Variants in PHACTR3 observed in about 807,000 individuals in gnomAD.
PHACTR3 encodes phosphatase and actin regulator 3, also known as protein phosphatase 1, regulatory subunit 123.
A neutral mutation model predicts 66.8 loss-of-function variants in PHACTR3; 16 were observed. The ratio of observed to expected loss-of-function variants is 0.24; its 90% CI spans 0.16 to 0.36. PHACTR3 has a LOEUF of 0.36. Among genes scored for constraint, PHACTR3 ranks in the 10% least tolerant of loss-of-function variants. The probability of loss-of-function intolerance (pLI) is 1.00; values close to 1 mark genes in which losing one functional copy is unlikely to be tolerated. For synonymous variants in PHACTR3, 323 were observed against 292.1 expected, an observed-to-expected ratio of 1.11 and a Z score of -1.08; for missense variants, 647 against 719.9, an observed-to-expected ratio of 0.90 and a Z score of 1.16.
Position 59,820,816 on chromosome 20 carries a change from A to C in PHACTR3, c.1328+14622A>C, listed in dbSNP as rs930583684. 2.0e-5 allele frequency among the ~76,000 whole-genome samples: 3 copies of C among 152,248 alleles called. No individual in the cohort carries two copies. The highest frequency in any genetic ancestry group is 4.8e-5 in the African/African-American group (2 of 41,466). On this transcript the variant is annotated intron_variant, in intron 8 of 12. Coordinates refer to ENST00000371015, the MANE Select transcript of PHACTR3 (RefSeq NM_080672.5). The surrounding 1 kb of genome is among the most constrained non-coding windows in gnomAD (Gnocchi z 4.6). ...TCAGTGTCAATAAAACATGATTCCC[A>C]AACCAGGGAGCAGGTGGTTTGGTGG...
intron 8 of PHACTR3, among the ~76,000 whole-genome samples, chr20:59,823,040 G>A (rs2042094662): frequency 6.6e-6 from 1 of 152,252 alleles, no homozygotes; most frequent in African/African-American, 2.4e-5. Flanking sequence ...GGGCAAGGCA[G>A]GCCCTGGTAC....
intron 8 of PHACTR3, among the ~76,000 whole-genome samples, chr20:59,827,582 T>C (rs550512116): frequency 3.6e-4 from 55 of 151,944 alleles, no homozygotes; most frequent in African/African-American, 1.3e-3. Context: ...ACCATGGAGG[T>C]GCAGAGAGGA....
intron 1 of PHACTR3, among the ~76,000 whole-genome samples, chr20:59,654,895 GTA>G (rs1303416690): frequency 6.6e-6 from 1 of 151,782 alleles, no homozygotes; most frequent in Admixed American, 6.6e-5. Flanking sequence ...TTCAGTGTGT[GTA>G]TGTGTGTGTG....
chr20:59,594,653 A>G lies in PHACTR3; in HGVS notation c.109+17036A>G, dbSNP rs566975621. 1.9e-3 allele frequency among the ~76,000 whole-genome samples: 290 copies of G among 152,280 alleles called. 1 individual carries two copies. Among genetic ancestry groups the G allele is most frequent in the Middle Eastern group, 3.4e-3 (1 of 294 alleles). The stretch of plus-strand genomic sequence containing the variant: ...GTGTGTTCCCTCTTTCACTTCTGCT[A>G]TTAGTAACTTGTGTCCTCTCACTTA... On this transcript the variant is annotated intron_variant, in intron 1 of 12. Coordinates refer to the PHACTR3 transcript ENST00000359926.
At chr20:59,773,747 GA>G (rs2040434581) in intron 6 of PHACTR3, among the ~76,000 whole-genome samples, 1 of 152,230 alleles carries the variant, frequency 6.6e-6, no homozygotes, top group African/African-American at 2.4e-5. Context: ...AGCTTTGCAG[GA>G]GAGACTGACT....
At chr20:59,808,138 G>C (rs967307625) in intron 8 of PHACTR3, among the ~76,000 whole-genome samples, 1 of 152,194 alleles carries the variant, frequency 6.6e-6, no homozygotes, top group Admixed American at 6.5e-5. Flanking sequence ...GAGCCGGGTG[G>C]AGCTGACTTG....
chr20:59,628,812 C>T lies in PHACTR3; in HGVS notation c.118+23680C>T, dbSNP rs567323407. On this transcript the variant is annotated intron_variant, in intron 1 of 12. Coordinates refer to ENST00000371015, the MANE Select transcript of PHACTR3 (RefSeq NM_080672.5). ...CACAGCCCTGCGCTGGGAAGAGCCA[C>T]GGAGGTTAGATCTTGTTTTTTGTTT... 10 of 985,314 alleles carry T rather than the reference C, an allele frequency of 1.0e-5. No homozygotes were observed. The South Asian group carries it at 2.3e-4, about 23-fold the overall frequency. The allele number at this position is 985,314 out of a possible 1,614,324, so 61.0% of individuals were successfully genotyped here.
At chr20:59,743,469 G>A (rs1463771148) in intron 2 of PHACTR3, among the ~76,000 whole-genome samples, 1 of 152,188 alleles carries the variant, frequency 6.6e-6, no homozygotes, top group Non-Finnish European at 1.5e-5. Context: ...GAAGCCCTGG[G>A]GTGGAGTTGG....
rs77195366 is a variant in PHACTR3 at position 59,596,385 on chromosome 20, G to T, written c.109+18768G>T. Among the ~76,000 whole-genome samples the T allele has an allele frequency of 7.7e-3, 1,171 of 152,240 alleles. 15 individuals carry two copies. Among genetic ancestry groups the T allele is most frequent in the African/African-American group, 0.026 (1,087 of 41,532 alleles). ...TTGAACTTCGGACCTCAAGAGATCT[G>T]TCCACCTTGGCCTCCCAGAGTGCTG... On this transcript the variant is annotated intron_variant, in intron 1 of 12. Transcript: ENST00000359926.
intron 1 of PHACTR3, among the ~76,000 whole-genome samples, chr20:59,711,860 T>G (rs2037924255): frequency 6.6e-6 from 1 of 152,188 alleles, no homozygotes; most frequent in Non-Finnish European, 1.5e-5. Context: ...TTTTAAGTTG[T>G]TTACTGCTAT....
intron 1 of PHACTR3, among the ~76,000 whole-genome samples, chr20:59,622,199 G>A (rs1185131359): frequency 2.0e-5 from 3 of 151,734 alleles, no homozygotes; most frequent in South Asian, 2.1e-4. Flanking sequence ...AGGCTGAAAG[G>A]GACTCAGGGT....
At position 59,829,205 on chromosome 20, in the gene PHACTR3, A is replaced by T. The variant is rs997025541; in HGVS notation, c.1329-7300A>T. ...CCTCCCCGGCATCCCAGAAGTCAGG[A>T]CTGCTGGCTGCTGAGATGGGGCTTG... On this transcript the variant is annotated intron_variant, in intron 8 of 12. Transcript: ENST00000371015. This position sits in a 1 kb window ranked among gnomAD's most constrained non-coding sequence, Gnocchi z 4.2. Among the ~76,000 whole-genome samples the T allele has an allele frequency of 2.6e-5, 4 of 152,106 alleles. No homozygotes were observed. Among genetic ancestry groups the T allele is most frequent in the Non-Finnish European group, 5.9e-5 (4 of 67,994 alleles).
At chr20:59,808,083 C>A (rs2041623108) in intron 8 of PHACTR3, among the ~76,000 whole-genome samples, 1 of 152,156 alleles carries the variant, frequency 6.6e-6, no homozygotes, top group Non-Finnish European at 1.5e-5. Flanking sequence ...CAGTCATGCC[C>A]CTGAGACAGA....
intron 1 of PHACTR3, among the ~76,000 whole-genome samples, chr20:59,691,116 G>A (rs1037823197): frequency 4.6e-5 from 7 of 152,222 alleles, no homozygotes; most frequent in Admixed American, 4.6e-4. Context: ...CAGGAGGTTG[G>A]AGGAACTAGT....
intron 8 of PHACTR3, among the ~76,000 whole-genome samples, chr20:59,816,037 T>C (rs190225167): frequency 1.3e-5 from 2 of 152,202 alleles, no homozygotes; most frequent in East Asian, 3.9e-4. Context: ...TATTATTACA[T>C]TGTAATATAT....
intron 4 of PHACTR3, among the ~76,000 whole-genome samples, chr20:59,758,108 C>T (rs1034288650): frequency 4.2e-5 from 6 of 142,730 alleles, no homozygotes; most frequent in Admixed American, 7.2e-5. Context: ...GCTGGTGACC[C>T]AGCAAGACCT....
At chr20:59,643,703 G>A (rs1227948243) in intron 1 of PHACTR3, among the ~76,000 whole-genome samples, 4 of 152,190 alleles carry the variant, frequency 2.6e-5, no homozygotes, top group Non-Finnish European at 5.9e-5. Flanking sequence ...GGAGCGGCGA[G>A]AAGCTGAGAG....
chr20:59,717,101 G>A (rs2038121830), intron 1 of PHACTR3, among the ~76,000 whole-genome samples: 1 of 152,210 alleles, frequency 6.6e-6, no homozygotes, highest in South Asian at 2.1e-4. Flanking sequence ...ATTATTTTAA[G>A]AAGTTGTTTT....
intron 1 of PHACTR3, among the ~76,000 whole-genome samples, chr20:59,583,062 T>C (rs1245576409): frequency 6.6e-6 from 1 of 152,216 alleles, no homozygotes; most frequent in Non-Finnish European, 1.5e-5. Context: ...TGAGAAGTCC[T>C]CAGCCGGGGG....
Sources: gnomAD v4.1 joint callset for allele counts (sites outside exome capture counted in the v4.1 genomes callset) on GRCh38, gnomAD v4.1.1 for gene constraint, Gnocchi (gnomAD v3.1) non-coding constraint, MANE v1.5 for transcripts, NCBI Gene and HGNC (gene_info 2026-07-23, HGNC 2026-07-21) for gene names.